The following GRIA1 variants were observed in gnomAD, a reference collection of about 807,000 sequenced individuals.
The protein encoded by GRIA1 is glutamate receptor 1.
Under a neutral mutation model 99.2 loss-of-function variants are expected in GRIA1, and 31 were observed. The ratio of observed to expected loss-of-function variants is 0.31; its 90% confidence interval spans 0.23 to 0.42. The LOEUF (loss-of-function observed/expected upper bound fraction) is 0.42, where lower values mean the gene tolerates loss of function less well. Among genes scored for constraint, GRIA1 ranks in the 10% least tolerant of loss-of-function variants. The pLI, the probability that GRIA1 is intolerant of heterozygous loss-of-function variation, is 1.00. For synonymous variants in GRIA1, 438 were observed against 432.4 expected, an observed-to-expected ratio of 1.01 and a Z score of -0.16; for missense variants, 782 against 1,157.5, an observed-to-expected ratio of 0.68 and a Z score of 4.71.
chr5:153,776,606 C>T (rs1764268564), intron 13 of GRIA1, among the ~76,000 whole-genome samples: 2 of 152,196 alleles, frequency 1.3e-5, no homozygotes, highest in Non-Finnish European at 1.5e-5. Context: ...ATCACATGAG[C>T]TCAGAATTGT....
intron 2 of GRIA1, among the ~76,000 whole-genome samples, chr5:153,527,643 G>T (rs936052494): frequency 6.6e-6 from 1 of 152,140 alleles, no homozygotes; most frequent in South Asian, 2.1e-4. Context: ...AAGTCAAATT[G>T]GTCTCTCTGG....
At chr5:153,619,185 C>T (rs1766794981) in intron 2 of GRIA1, among the ~76,000 whole-genome samples, 1 of 152,154 alleles carries the variant, frequency 6.6e-6, no homozygotes, top group Admixed American at 6.5e-5. Context: ...AAGAAAGTGT[C>T]TCATTCAACC....
intron 5 of GRIA1, 68 bp downstream of exon 5, chr5:153,655,940 T>C: frequency 1.5e-6 from 2 of 1,352,966 alleles, no homozygotes; most frequent in Non-Finnish European, 2.1e-6. Flanking sequence ...TTGCTTCTGT[T>C]GTCCCTGGCT....
chr5:153,499,159 T>G (rs187805945), intron 2 of GRIA1, among the ~76,000 whole-genome samples: 1 of 152,318 alleles, frequency 6.6e-6, no homozygotes, highest in Admixed American at 6.5e-5. Context: ...GTCTTAAGTT[T>G]TATAACTGTC....
Position 153,770,433 on chromosome 5 carries a change from G to T in GRIA1, c.2270+18G>T. The stretch of plus-strand genomic sequence containing the variant: ...GCCCTGAGGTAAGTAGCCAAGATTT[G>T]CTTCCTTGGTACTCCCTCTCCCCTC... On this transcript the variant is annotated intron_variant, in intron 13 of 15. Transcript: ENST00000285900. The T allele has an allele frequency of 6.2e-7, 1 of 1,605,708 alleles. No homozygotes were observed. The highest frequency in any genetic ancestry group is 1.1e-5 in the South Asian group (1 of 90,712).
intron 1 of GRIA1, 147 bp downstream of exon 1, chr5:153,491,117 C>G: frequency 9.8e-7 from 1 of 1,018,708 alleles, no homozygotes; most frequent in East Asian, 2.5e-5. Flanking sequence ...GAGACTTGGG[C>G]TTACAGCCAG....
At chr5:153,778,175 C>CAGAGAG (rs1313488385) in intron 13 of GRIA1, among the ~76,000 whole-genome samples, 1 of 146,214 alleles carries the variant, frequency 6.8e-6, no homozygotes, top group Non-Finnish European at 1.5e-5. Context: ...GGCAGAGAGA[C>CAGAGAG]AGAGAGAGAG....
intron 2 of GRIA1, among the ~76,000 whole-genome samples, chr5:153,627,591 G>A (rs960844823): frequency 6.6e-6 from 1 of 152,158 alleles, no homozygotes; most frequent in Admixed American, 6.5e-5. Context: ...GGCAAGCGAT[G>A]CTCTCTGTAA....
chr5:153,637,250 T>C (rs982686075), intron 2 of GRIA1, among the ~76,000 whole-genome samples: 14 of 152,194 alleles, frequency 9.2e-5, no homozygotes, highest in African/African-American at 3.1e-4. Flanking sequence ...GGTAGGAGGT[T>C]CTACTTATCA....
intron 5 of GRIA1, among the ~76,000 whole-genome samples, chr5:153,659,330 G>A (rs1755190422): frequency 1.3e-5 from 2 of 152,130 alleles, no homozygotes; most frequent in South Asian, 4.2e-4. Flanking sequence ...TATTTCCATA[G>A]CATTGGTGTG....
At chr5:153,761,204 T>C (rs559398802) in intron 11 of GRIA1, among the ~76,000 whole-genome samples, 37 of 152,234 alleles carry the variant, frequency 2.4e-4, no homozygotes, top group Admixed American at 1.7e-3. Context: ...AGCTTCAGCA[T>C]GGCAAAAGAA....
At chr5:153,600,391 CA>C (rs57395601) in intron 2 of GRIA1, among the ~76,000 whole-genome samples, 8,023 of 49,612 alleles carry the variant, frequency 0.16, 87 homozygotes, top group South Asian at 0.25. Flanking sequence ...GACTCCATCT[CA>C]AAAAAAAAAA....
chr5:153,704,007 A>G (rs926704319), intron 10 of GRIA1, among the ~76,000 whole-genome samples: 6 of 152,242 alleles, frequency 3.9e-5, no homozygotes, highest in African/African-American at 1.2e-4. Context: ...ACCAAGATTT[A>G]TGCAGTGGGT....
intron 8 of GRIA1, among the ~76,000 whole-genome samples, chr5:153,693,197 A>AC (rs745599358): frequency 2.0e-5 from 3 of 152,150 alleles, no homozygotes; most frequent in Non-Finnish European, 2.9e-5. Flanking sequence ...ATGAAAGAAA[A>AC]TGGCAACTCT....
intron 5 of GRIA1, among the ~76,000 whole-genome samples, chr5:153,668,690 G>A (rs1755927714): frequency 6.6e-6 from 1 of 152,198 alleles, no homozygotes. Flanking sequence ...GGAATAGGGG[G>A]ACACTAATAG....
chr5:153,624,069 T>C (rs535716990), intron 2 of GRIA1, among the ~76,000 whole-genome samples: 1 of 152,332 alleles, frequency 6.6e-6, no homozygotes, highest in East Asian at 1.9e-4. Context: ...TCTGGATGAA[T>C]TTCCTTTGCA....
intron 10 of GRIA1, among the ~76,000 whole-genome samples, chr5:153,702,947 T>G (rs956811983): frequency 6.6e-6 from 1 of 152,198 alleles, no homozygotes; most frequent in African/African-American, 2.4e-5. Flanking sequence ...GACAACTGTT[T>G]CTTTTGAGGC....
At chr5:153,669,960 C>G (rs1018115484) in intron 5 of GRIA1, among the ~76,000 whole-genome samples, 3 of 152,096 alleles carry the variant, frequency 2.0e-5, no homozygotes, top group African/African-American at 7.2e-5. Flanking sequence ...CATAGTGAAC[C>G]TTGATTTTTG....
At chr5:153,528,681 T>C (rs943269349) in intron 2 of GRIA1, among the ~76,000 whole-genome samples, 1 of 152,200 alleles carries the variant, frequency 6.6e-6, no homozygotes, top group African/African-American at 2.4e-5. Context: ...TTCCTGACTG[T>C]TGTTGGCAGT....
Sources: gnomAD v4.1 joint callset for allele counts (sites outside exome capture counted in the v4.1 genomes callset) on GRCh38, gnomAD v4.1.1 for gene constraint, MANE v1.5 for transcripts, NCBI Gene and HGNC (gene_info 2026-07-23, HGNC 2026-07-21) for gene names.